STRIP1: variants seen among roughly 807,000 people sequenced by gnomAD.
The protein encoded by STRIP1 is striatin interacting protein 1, also known as striatin-interacting protein 1.
STRIP1 carries 63 observed loss-of-function variants against 106.2 expected under a neutral mutation model. The observed-to-expected ratio is 0.59, with a 90% CI of 0.48 to 0.73. The LOEUF (loss-of-function observed/expected upper bound fraction) is 0.73. STRIP1 is among the 30% of genes least tolerant of loss of function. STRIP1 has a pLI of 0.00. For synonymous variants in STRIP1, 390 were observed against 413.0 expected (o/e 0.94, Z 0.67); for missense variants, 857 against 1,074.8 (o/e 0.80, Z 2.83).
At chr1:110,039,714 G>A in intron 5 of STRIP1, 199 bp downstream of exon 5, 1 of 1,003,230 alleles carries the variant, frequency 1.0e-6, no homozygotes. Context: ...ACAGGTCCCT[G>A]CAGCTCCCTG....
At chr1:110,052,363 A>G (rs1557797499) in intron 20 of STRIP1, among the ~76,000 whole-genome samples, 1 of 152,212 alleles carries the variant, frequency 6.6e-6, no homozygotes, top group East Asian at 1.9e-4. Context: ...CTGGGCTCAA[A>G]CTATCCTCCT....
chr1:110,048,874 C>CAG, intron 15 of STRIP1, among the ~76,000 whole-genome samples: 1 of 152,180 alleles, frequency 6.6e-6, no homozygotes, highest in East Asian at 1.9e-4. Context: ...GGAGGAAAGG[C>CAG]AGAGAAACAG....
chr1:110,044,224 T>A (rs766340516), intron 10 of STRIP1, among the ~76,000 whole-genome samples: 7 of 152,262 alleles, frequency 4.6e-5, no homozygotes, highest in Non-Finnish European at 8.8e-5. Context: ...AGGAAGAGTT[T>A]CTTTAGAGCC....
chr1:110,040,174 T>G (rs570981929), intron 5 of STRIP1, among the ~76,000 whole-genome samples: 6 of 147,592 alleles, frequency 4.1e-5, no homozygotes, highest in Admixed American at 6.6e-5. Flanking sequence ...TGTTTTTGTG[T>G]TTTTTTTGTT....
chr1:110,044,818 C>T (rs757319726), intron 10 of STRIP1, 22 bp from the exon 11 acceptor site: 13 of 1,611,460 alleles, frequency 8.1e-6, no homozygotes, highest in African/African-American at 1.3e-5. Context: ...TTTTCTTTCT[C>T]TCTTTTTTGG....
rs1652778179 is a variant in STRIP1, at chr1:110,041,812, C to T, written c.836C>T (p.Pro279Leu). The T allele has an allele frequency of 3.1e-6, 5 of 1,614,038 alleles. No homozygotes were observed. Among genetic ancestry groups the T allele is most frequent in the Non-Finnish European group, 4.2e-6 (5 of 1,180,038 alleles). ...ACCAAATTTTGCAGTGGTCACGCCC[C>T]TCACTTTCCCATGAAGAAAGTTCTC... Reference protein sequence around the residue: ...MVTKFCSGHAPHFPMKKVLLL... With the variant: ...MVTKFCSGHALHFPMKKVLLL... The change falls in exon 8 of 21, where the codon CCT becomes CTT. Residue 279 changes from proline (P) to leucine (L), a missense_variant. Coordinates refer to ENST00000369795, the MANE Select transcript of STRIP1 (RefSeq NM_033088.4).
intron 19 of STRIP1, among the ~76,000 whole-genome samples, chr1:110,051,312 G>A (rs569609850): frequency 1.3e-5 from 2 of 152,312 alleles, no homozygotes; most frequent in South Asian, 4.1e-4. Context: ...ATCTTGATTG[G>A]TAACATAATC....
upstream of STRIP1, among the ~76,000 whole-genome samples, chr1:110,032,584 C>T (rs1652245230): frequency 6.6e-6 from 1 of 152,106 alleles, no homozygotes; most frequent in South Asian, 2.1e-4. Context: ...CTTGATCTTT[C>T]CTCTAAACCT....
chr1:110,048,080 C>T (rs1465717091), intron 15 of STRIP1: 9 of 549,808 alleles, frequency 1.6e-5, no homozygotes, highest in South Asian at 2.1e-5. Flanking sequence ...AGTGTAGACT[C>T]TACCACTGAG....
In STRIP1 at chr1:110,049,245, A is replaced by G. The variant is rs753307338; in HGVS notation, c.1788+7A>G. ...GTTGAACCATGTCTACCAGGTACCC[A>G]CAGGGCTTTCCCTCCTGTCCTGTGG... On this transcript the variant is annotated splice_region_variant and intron_variant, in intron 16 of 20. Transcript: ENST00000369795. 2.5e-4 allele frequency: 400 copies of G among 1,613,910 alleles called. No homozygotes were observed. The highest frequency in any genetic ancestry group is 3.3e-4 in the Non-Finnish European group (393 of 1,180,010).
chr1:110,047,517 A>G, intron 13 of STRIP1, 25 bp from the exon 14 acceptor site: 1 of 1,594,448 alleles, frequency 6.3e-7, no homozygotes, highest in Non-Finnish European at 8.6e-7. Flanking sequence ...CTGGGGTTTT[A>G]TGCTTGTACT....
At chr1:110,046,606 G>T (rs1048076118) in intron 12 of STRIP1, 74 bp from the exon 13 acceptor site, 1 of 1,321,230 alleles carries the variant, frequency 7.6e-7, no homozygotes, top group African/African-American at 1.4e-5. Flanking sequence ...AATGTGTGGG[G>T]ATTTTGCTAG....
At position 110,049,193 on chromosome 1, in the gene STRIP1, C is replaced by A; in HGVS notation, c.1743C>A (p.Val581=). The A allele has an allele frequency of 6.2e-7, 1 of 1,614,194 alleles. No homozygotes were observed. The highest frequency in any genetic ancestry group is 8.5e-7 in the Non-Finnish European group (1 of 1,180,038). The change falls in exon 16 of 21, where the codon GTC becomes GTA. Residue 581 remains valine (V), a synonymous_variant. Transcript: ENST00000369795. The part of the protein sequence containing the change: ...KEVIVKAISA[V]LLLLLKHFKL... The stretch of plus-strand genomic sequence containing the variant: ...TCATTGTTAAGGCCATTTCTGCTGT[C>A]CTGCTGCTGCTGCTCAAGCACTTTA...
chr1:110,053,975 C>G lies in STRIP1; in HGVS notation c.*63C>G, dbSNP rs760341451. 50 of 1,582,926 alleles carry G rather than the reference C, an allele frequency of 3.2e-5. No homozygotes were observed. Among genetic ancestry groups the G allele is most frequent in the Admixed American group, 2.9e-4 (17 of 58,854 alleles). On this transcript the variant is annotated 3_prime_UTR_variant, in exon 21 of 21. Coordinates refer to ENST00000369795, the MANE Select transcript of STRIP1 (RefSeq NM_033088.4). Reference sequence around the variant, plus strand: ...GATCTGAAGGTACCTGTGGGACTGTCCTAGTTCATTGCTGCAGTGCTCCCA... The same window carrying G: ...GATCTGAAGGTACCTGTGGGACTGTGCTAGTTCATTGCTGCAGTGCTCCCA...
chr1:110,041,433 T>A (rs1652752629), intron 6 of STRIP1, 103 bp from the exon 7 acceptor site: 2 of 729,150 alleles, frequency 2.7e-6, no homozygotes, highest in Admixed American at 5.0e-5. Flanking sequence ...AGATACCATT[T>A]ATTAATAGTA....
At chr1:110,037,828 G>T in intron 1 of STRIP1, 63 bp from the exon 2 acceptor site, 1 of 1,163,596 alleles carries the variant, frequency 8.6e-7, no homozygotes, top group Non-Finnish European at 1.3e-6. Flanking sequence ...GCATCTCGAA[G>T]CATGAGTTTC....
chr1:110,051,108 A>C (rs1260813703), intron 19 of STRIP1, 48 bp downstream of exon 19: 1 of 1,296,280 alleles, frequency 7.7e-7, no homozygotes, highest in Non-Finnish European at 1.1e-6. Context: ...GAGCTCAAAG[A>C]AGAGTGCTGG....
At chr1:110,038,467 G>A (rs746142949) in intron 2 of STRIP1, among the ~76,000 whole-genome samples, 1 of 152,204 alleles carries the variant, frequency 6.6e-6, no homozygotes, top group Non-Finnish European at 1.5e-5. Flanking sequence ...CATCGGACTG[G>A]AAGTGTCCAG....
rs143183603 is a variant in STRIP1 at position 110,045,021 on chromosome 1, G to A, written c.1359G>A (p.Thr453=). 187 of 1,614,128 alleles carry A rather than the reference G, an allele frequency of 1.2e-4. 1 individual carries two copies. In the African/African-American group the frequency reaches 2.3e-3, roughly 20 times the overall value. ...KFIGYTLGSD[T]NTVVGLPRPI... ...GGCCTTCTTTATTCTCCAGTGACAC[G>A]AACACAGTGGTGGGGCTGCCCAGGC... Residue 453 remains threonine, a synonymous_variant, in exon 12 of 21, where the codon ACG becomes ACA. Coordinates refer to ENST00000369795, the MANE Select transcript of STRIP1 (RefSeq NM_033088.4).
Sources: allele counts gnomAD v4.1 joint callset (sites outside exome capture counted in the v4.1 genomes callset), GRCh38; gene constraint gnomAD v4.1.1; transcripts MANE v1.5; gene names NCBI Gene and HGNC (gene_info 2026-07-23, HGNC 2026-07-21).